PRDM10: variants seen among roughly 807,000 people sequenced by gnomAD.
PRDM10 encodes the protein PR domain zinc finger protein 10.
A neutral mutation model predicts 133.1 loss-of-function variants in PRDM10; 65 were observed. The observed-to-expected ratio is 0.49, with a 90% CI of 0.40 to 0.60. The LOEUF is 0.60. PRDM10 is among the 20% of genes least tolerant of loss of function. The probability of loss-of-function intolerance (pLI) is 0.00; values close to 1 mark genes in which losing one functional copy is unlikely to be tolerated. For synonymous variants in PRDM10, 582 were observed against 580.4 expected (o/e 1.00, Z -0.04); for missense variants, 1,137 against 1,507.1 (o/e 0.75, Z 4.07).
At chr11:129,979,352 TCTCCCCAGGATACCCACCATC>T (rs1382431270) in intron 1 of PRDM10, among the ~76,000 whole-genome samples, 2 of 151,828 alleles carry the variant, frequency 1.3e-5, no homozygotes, top group Non-Finnish European at 2.9e-5. Context: ...TCCTGTGCCC[TCTCCCCAGGATACCCACCATC>T]CTCCCCAGGA....
chr11:129,944,386 A>C (rs1395666107), intron 6 of PRDM10, among the ~76,000 whole-genome samples: 3 of 151,484 alleles, frequency 2.0e-5, no homozygotes, highest in Non-Finnish European at 2.9e-5. Context: ...CGAGGTCAGG[A>C]GATCGAGACC....
intron 19 of PRDM10, among the ~76,000 whole-genome samples, chr11:129,908,413 G>GT (rs11462675): frequency 1 from 152,362 of 152,364 alleles, 76,180 homozygotes; most frequent in Non-Finnish European, 1. Context: ...CAAAGCTGCA[G>GT]GAGCCACGAT....
In PRDM10 at chr11:129,910,485, G is replaced by A. The variant is rs200371105; in HGVS notation, c.3154C>T (p.Arg1052Cys). The part of the protein sequence containing the change: ...TYLPSAWNSF[R>C]GYSSEIQMMT... ...GTCCCTTCTTACTTACAATAGCCAC[G>A]GAAGGAATTCCAAGCACTGGGCAGG... Residue 1052 changes from arginine (R) to cysteine (C), a missense_variant, in exon 19 of 21, where the codon CGT becomes TGT. Around this residue, in one of 6 missense-constraint regions of PRDM10, gnomAD observed 243 missense variants for 259.2 expected, o/e 0.94. Transcript: ENST00000360871. 6.3e-5 allele frequency: 101 copies of A among 1,613,910 alleles called. No individual in the cohort carries two copies. Among genetic ancestry groups the A allele is most frequent in the Non-Finnish European group, 8.0e-5 (94 of 1,180,038 alleles).
chr11:129,946,698 T>C (rs1303023760), intron 5 of PRDM10, among the ~76,000 whole-genome samples: 1 of 152,146 alleles, frequency 6.6e-6, no homozygotes, highest in East Asian at 1.9e-4. Flanking sequence ...AAGGAGGTAG[T>C]AGACTCAGGG....
intron 1 of PRDM10, among the ~76,000 whole-genome samples, chr11:129,988,060 A>T (rs2135985853): frequency 6.6e-6 from 1 of 152,346 alleles, no homozygotes; most frequent in East Asian, 1.9e-4. Flanking sequence ...TGAACCCTGA[A>T]AACATTATGC....
chr11:129,943,845 T>A (rs753263189), intron 6 of PRDM10, among the ~76,000 whole-genome samples: 1 of 151,814 alleles, frequency 6.6e-6, no homozygotes, highest in Non-Finnish European at 1.5e-5. Flanking sequence ...ACACAAAAAT[T>A]AGCTGGGCGT....
intron 1 of PRDM10, among the ~76,000 whole-genome samples, chr11:129,963,382 G>GAGAGAAGGGAAGAGAAGAGAAGAGA (rs1951835099): frequency 1.3e-5 from 1 of 74,586 alleles, no homozygotes; most frequent in Non-Finnish European, 2.5e-5. Flanking sequence ...AAAGAAAAAA[G>GAGAGAAGGGAAGAGAAGAGAAGAGA]AGAGAAGAGA....
At chr11:129,915,635 A>G in intron 16 of PRDM10, 25 bp downstream of exon 16, 1 of 1,543,492 alleles carries the variant, frequency 6.5e-7, no homozygotes. Flanking sequence ...TTTTGACCTT[A>G]GCTTTAGTCA....
In PRDM10 at chr11:129,948,986, G is replaced by A. The variant is rs113310078; in HGVS notation, c.295-1616C>T. Among the ~76,000 whole-genome samples, 1,509 of 152,192 alleles carry A rather than the reference G, an allele frequency of 9.9e-3. 24 individuals are homozygous for A. Among genetic ancestry groups the A allele is most frequent in the African/African-American group, 0.034 (1,427 of 41,512 alleles). ...AAGAGCTGATTTTTACTTAAATGGG[G>A]GATTTTGCATTTATCTCCAGTAAAT... On this transcript the variant is annotated intron_variant, in intron 4 of 20. Transcript: ENST00000360871.
chr11:129,923,516 A>C lies in PRDM10; in HGVS notation c.1879-113T>G, dbSNP rs932194553. The C allele has an allele frequency of 1.2e-5, 14 of 1,172,776 alleles. No homozygotes were observed. Among genetic ancestry groups the C allele is most frequent in the East Asian group, 2.7e-5 (1 of 37,118 alleles). The allele number at this position is 1,172,776 out of a possible 1,614,324, so 72.6% of individuals were successfully genotyped here. A position where few individuals can be genotyped will look rare whatever the true frequency, so the allele number is the denominator to read the frequency against. ...AACGCATTACCATGGGTTTTCATCA[A>C]CCCCGCCGAGGAATCCAATCAGATG... is the stretch of plus-strand genomic sequence containing the variant. On this transcript the variant is annotated intron_variant, in intron 12 of 20. Coordinates refer to ENST00000360871, the MANE Select transcript of PRDM10 (RefSeq NM_199437.2). This position sits in a 1 kb window ranked among gnomAD's most constrained non-coding sequence, Gnocchi z 4.4.
At chr11:129,987,753 C>T (rs1938508976) in intron 1 of PRDM10, among the ~76,000 whole-genome samples, 1 of 152,190 alleles carries the variant, frequency 6.6e-6, no homozygotes, top group South Asian at 2.1e-4. Flanking sequence ...GTAATCCCAG[C>T]CCTTTGGGAG....
At chr11:129,940,713 T>A (rs1358558358) in intron 7 of PRDM10, among the ~76,000 whole-genome samples, 1 of 152,236 alleles carries the variant, frequency 6.6e-6, no homozygotes, top group Non-Finnish European at 1.5e-5. Flanking sequence ...TTTAAAACTT[T>A]TTTTTACTAT....
At chr11:129,954,944 C>T (rs1234310048) in intron 4 of PRDM10, among the ~76,000 whole-genome samples, 1 of 152,222 alleles carries the variant, frequency 6.6e-6, no homozygotes. Flanking sequence ...TAGGCATGAG[C>T]CTCTGTGCCC....
At chr11:129,968,701 G>A (rs1385263609) in intron 1 of PRDM10, among the ~76,000 whole-genome samples, 2 of 151,482 alleles carry the variant, frequency 1.3e-5, no homozygotes, top group Non-Finnish European at 2.9e-5. Context: ...GGACTCAGGA[G>A]CCTAGTGTGC....
intron 11 of PRDM10, chr11:129,929,311 G>A: frequency 8.6e-7 from 1 of 1,162,262 alleles, no homozygotes; most frequent in Non-Finnish European, 1.2e-6. Context: ...CAACCAAACT[G>A]TGGTTTCCAC....
In PRDM10 at chr11:129,914,873, G is replaced by C. The variant is rs775876571; in HGVS notation, c.2672C>G (p.Thr891Arg). Residue 891 changes from threonine to arginine, a missense_variant, in exon 17 of 21, where the codon ACG becomes AGG. By Grantham distance (71) the Thr-to-Arg change is moderately conservative. Around this residue, in one of 6 missense-constraint regions of PRDM10, gnomAD observed 113 missense variants for 143.7 expected, o/e 0.79. Coordinates refer to ENST00000360871, the MANE Select transcript of PRDM10 (RefSeq NM_199437.2). ...TDSATGETVV[T>R]TDLLTQAMTE... is the part of the protein sequence containing the mutation. ...CATTGCTTGGGTGAGCAGGTCCGTC[G>C]TCACCACAGTCTCTCCAGTGGCGCT... 1 of 1,614,040 alleles carries C rather than the reference G, an allele frequency of 6.2e-7. No homozygotes were observed. The highest frequency in any genetic ancestry group is 1.3e-5 in the African/African-American group (1 of 74,912).
chr11:129,958,297 T>C (rs530999794), intron 2 of PRDM10, among the ~76,000 whole-genome samples: 1 of 152,318 alleles, frequency 6.6e-6, no homozygotes, highest in South Asian at 2.1e-4. Flanking sequence ...CAACACATCA[T>C]AAGAATTCTA....
intron 4 of PRDM10, among the ~76,000 whole-genome samples, chr11:129,952,625 T>C (rs1951607735): frequency 6.6e-6 from 1 of 152,048 alleles, no homozygotes; most frequent in African/African-American, 2.4e-5. Context: ...CAAGTGATCT[T>C]CCCACCTCAG....
At position 129,931,148 on chromosome 11, in the gene PRDM10, C is replaced by T. The variant is rs2277033; in HGVS notation, c.1398G>A (p.Gln466=). 0.47 allele frequency: 765,387 copies of T among 1,613,822 alleles called. 189,466 individuals are homozygous for T. Among genetic ancestry groups the T allele is most frequent in the African/African-American group, 0.83 (62,516 of 75,002 alleles). The change falls in exon 11 of 21, where the codon CAG becomes CAA. Residue 466 remains glutamine (Q), a synonymous_variant. Transcript: ENST00000360871. The part of the protein sequence containing the change: ...QTTIPIPQLP[Q]ETQSSLEHEP... Reference sequence around the variant, plus strand: ...CATGTTCCAGGGAAGACTGGGTTTCCTGTGGCAGCTGAGGGATTGGGATAG... The same window carrying T: ...CATGTTCCAGGGAAGACTGGGTTTCTTGTGGCAGCTGAGGGATTGGGATAG...
Sources: gnomAD v4.1 joint callset for allele counts (sites outside exome capture counted in the v4.1 genomes callset) on GRCh38, gnomAD v4.1.1 for gene constraint, gnomAD v4.1.1 regional missense constraint, Gnocchi (gnomAD v3.1) non-coding constraint, MANE v1.5 for transcripts, NCBI Gene and HGNC (gene_info 2026-07-23, HGNC 2026-07-21) for gene names.